AGAP4: variants seen among roughly 807,000 people sequenced by gnomAD.
The protein encoded by AGAP4 is arf-GAP with GTPase, ANK repeat and PH domain-containing protein 4.
Under a neutral mutation model 60.7 loss-of-function variants are expected in AGAP4, and 13 were observed. The ratio of observed to expected loss-of-function variants is 0.21; its 90% CI spans 0.14 to 0.34. AGAP4 has a LOEUF of 0.34. Among genes scored for constraint, AGAP4 ranks in the 10% least tolerant of loss-of-function variants. The probability of loss-of-function intolerance (pLI) is 1.00; values close to 1 mark genes in which losing one functional copy is unlikely to be tolerated. For synonymous variants in AGAP4, 70 were observed against 339.0 expected, an observed-to-expected ratio of 0.21 and a Z score of 8.72; for missense variants, 169 against 884.0, an observed-to-expected ratio of 0.19 and a Z score of 10.26.
At chr10:45,829,794 T>C (rs1336163710) in intron 6 of AGAP4, among the ~76,000 whole-genome samples, 2 of 150,802 alleles carry the variant, frequency 1.3e-5, no homozygotes, top group Non-Finnish European at 3.0e-5. Flanking sequence ...AGCTTTCCTG[T>C]GGACTTTGAA....
intron 2 of AGAP4, chr10:45,844,612 C>T (rs1326880802): frequency 6.3e-6 from 3 of 479,512 alleles, no homozygotes; most frequent in Non-Finnish European, 1.1e-5. Context: ...CACTTGAACC[C>T]AGGTCAGGAA....
chr10:45,848,991 C>T (rs2059044420), upstream of AGAP4: 1 of 149,840 alleles, frequency 6.7e-6, no homozygotes, highest in Non-Finnish European at 1.5e-5. Context: ...TTTGGGAGGC[C>T]AAGGCAGGTG....
upstream of AGAP4, among the ~76,000 whole-genome samples, chr10:45,850,480 C>T (rs1306146048): frequency 1.9e-3 from 290 of 151,912 alleles, 1 homozygote; most frequent in African/African-American, 6.7e-3. Flanking sequence ...TAATTTTATT[C>T]TGGGAATTTC....
chr10:45,825,635 A>G lies in AGAP4; in HGVS notation c.*280T>C, dbSNP rs1204613342. ...TATTTATGAACTTTATTTCAAATAT[A>G]TTTTCACACATTTTATCTAAATACA... On this transcript the variant is annotated 3_prime_UTR_variant, in exon 8 of 8. Coordinates refer to ENST00000616763, the MANE Select transcript of AGAP4 (RefSeq NM_001276343.3). 6.4e-6 allele frequency: 3 copies of G among 470,986 alleles called. No homozygotes were observed. Among genetic ancestry groups the G allele is most frequent in the East Asian group, 4.4e-5 (1 of 22,704 alleles). The allele number at this position is 470,986 out of a possible 1,614,324, so 29.2% of individuals were successfully genotyped here. A position where few individuals can be genotyped will look rare whatever the true frequency, so the allele number is the denominator to read the frequency against.
At chr10:45,832,165 C>T (rs2058742945) in intron 5 of AGAP4, among the ~76,000 whole-genome samples, 1 of 141,438 alleles carries the variant, frequency 7.1e-6, no homozygotes, top group African/African-American at 2.6e-5. Flanking sequence ...TTTTAAAAAG[C>T]CTGTAACATT....
chr10:45,848,691 A>G (rs1209821329), upstream of AGAP4, among the ~76,000 whole-genome samples: 8 of 152,130 alleles, frequency 5.3e-5, no homozygotes, highest in Admixed American at 4.6e-4. Context: ...ATCAGAAAGT[A>G]TAGCAGTCTG....
intron 4 of AGAP4, among the ~76,000 whole-genome samples, chr10:45,834,381 G>A (rs2058777708): frequency 1.4e-5 from 2 of 141,354 alleles, no homozygotes; most frequent in Non-Finnish European, 3.0e-5. Flanking sequence ...AAAATAATGG[G>A]AAAAGTCGGC....
intron 4 of AGAP4, among the ~76,000 whole-genome samples, chr10:45,834,395 G>A (rs1301305693): frequency 4.9e-5 from 7 of 142,262 alleles, no homozygotes; most frequent in Middle Eastern, 3.4e-3. Context: ...AGTCGGCTTC[G>A]CGGGGCACGG....
intron 6 of AGAP4, 108 bp downstream of exon 6, chr10:45,831,286 A>C (rs2058727902): frequency 2.2e-6 from 3 of 1,369,838 alleles, no homozygotes; most frequent in Non-Finnish European, 3.0e-6. Context: ...TCAATATTTT[A>C]GTAGGCACAA....
chr10:45,825,672 C>G lies in AGAP4; in HGVS notation c.*243G>C, dbSNP rs2058633202. On this transcript the variant is annotated 3_prime_UTR_variant, in exon 8 of 8. Transcript: ENST00000616763. The stretch of plus-strand genomic sequence containing the variant: ...TTTATCTAAATACATAATACAGAAG[C>G]CTGTGTGACTTGGGCAATGTGGCCA... The G allele has an allele frequency of 2.2e-5, 11 of 492,502 alleles. No individual in the cohort carries two copies. In the South Asian group the frequency reaches 3.0e-4, roughly 14 times the overall value. The allele number at this position is 492,502 out of a possible 1,614,324, so 30.5% of individuals were successfully genotyped here. A position where few individuals can be genotyped will look rare whatever the true frequency, so the allele number is the denominator to read the frequency against.
At chr10:45,834,809 T>G (rs1237301191) in intron 4 of AGAP4, among the ~76,000 whole-genome samples, 1 of 145,726 alleles carries the variant, frequency 6.9e-6, no homozygotes, top group African/African-American at 2.8e-5. Context: ...AGTCTCGCTC[T>G]GTCGCCCAGA....
At chr10:45,851,812 C>T (rs2059086873), upstream of AGAP4, among the ~76,000 whole-genome samples, 1 of 151,690 alleles carries the variant, frequency 6.6e-6, no homozygotes, top group African/African-American at 2.4e-5. Flanking sequence ...GCTTTGGACT[C>T]CTACAAAAGC....
upstream of AGAP4, among the ~76,000 whole-genome samples, chr10:45,849,744 G>A (rs1242059652): frequency 6.6e-6 from 1 of 150,662 alleles, no homozygotes; most frequent in African/African-American, 2.4e-5. Context: ...GGGCTCAAGC[G>A]ATTCTCCTGC....
In AGAP4 at chr10:45,847,454, C is replaced by T. The variant is rs1333152216; in HGVS notation, c.-107G>A. On this transcript the variant is annotated 5_prime_UTR_variant, in exon 1 of 8. Transcript: ENST00000616763. ...ATGCTGCACTTGCAGAGATGGTCTTCCCGCTCCTCGCCTGCCCACCTCACA... is the reference window on the plus strand; with the variant it reads ...ATGCTGCACTTGCAGAGATGGTCTTTCCGCTCCTCGCCTGCCCACCTCACA... 1.4e-4 allele frequency: 213 copies of T among 1,531,564 alleles called. 2 individuals carry two copies. The highest frequency in any genetic ancestry group is 1.7e-4 in the Non-Finnish European group (200 of 1,145,594). The allele number at this position is 1,531,564 out of a possible 1,614,324, so 94.9% of individuals were successfully genotyped here.
At chr10:45,849,957 A>G (rs1426161317), upstream of AGAP4, among the ~76,000 whole-genome samples, 1 of 148,918 alleles carries the variant, frequency 6.7e-6, no homozygotes, top group Non-Finnish European at 1.5e-5. Context: ...TTTGAGACAG[A>G]GTCTCACTCT....
In AGAP4 at chr10:45,839,590, A is replaced by C. The variant is rs1554898432; in HGVS notation, c.396+2063T>G. 3.1e-5 allele frequency among the ~76,000 whole-genome samples: 4 copies of C among 128,018 alleles called. 2 individuals carry two copies. Among genetic ancestry groups the C allele is most frequent in the Admixed American group, 3.1e-4 (4 of 13,044 alleles). The allele number at this position is 128,018 out of a possible 152,430, so 84.0% of individuals were successfully genotyped here. ...TACTTTCCAGGCAGAAAACTGGGAG[A>C]TCCTTCTCAGAAGAAACTGAAATGT... On this transcript the variant is annotated intron_variant, in intron 4 of 7. Transcript: ENST00000616763.
chr10:45,827,313 A>G lies in AGAP4; in HGVS notation c.663T>C (p.Thr221=). ...LNNYSSSIPS[T]PSTSQEDPQF... is the part of the protein sequence containing the mutation. ...GAGGGTCCTCCTGGCTGGTGCTGGG[A>G]GTCGATGGAATGGAGGAGGAATAGT... is the stretch of plus-strand genomic sequence containing the variant. Residue 221 remains threonine, a synonymous_variant, in exon 8 of 8, where the codon ACT becomes ACC. Coordinates refer to ENST00000616763, the MANE Select transcript of AGAP4 (RefSeq NM_001276343.3). 6.3e-7 allele frequency: 1 copy of G among 1,590,158 alleles called. No individual in the cohort carries two copies. Among genetic ancestry groups the G allele is most frequent in the Admixed American group, 1.7e-5 (1 of 58,430 alleles).
At chr10:45,839,330 G>GAA (rs532227613) in intron 4 of AGAP4, among the ~76,000 whole-genome samples, 2 of 105,022 alleles carry the variant, frequency 1.9e-5, no homozygotes, top group African/African-American at 3.1e-5. Flanking sequence ...GGTAAAATGT[G>GAA]AAAAAAAAAA....
chr10:45,842,410 T>G (rs1210435545), intron 3 of AGAP4, among the ~76,000 whole-genome samples: 1 of 150,058 alleles, frequency 6.7e-6, no homozygotes, highest in Non-Finnish European at 1.5e-5. Context: ...CCTAGCTAAT[T>G]GTTTTTTGTA....
Sources: allele counts gnomAD v4.1 joint callset (sites outside exome capture counted in the v4.1 genomes callset), GRCh38; gene constraint gnomAD v4.1.1; transcripts MANE v1.5; gene names NCBI Gene and HGNC (gene_info 2026-07-23, HGNC 2026-07-21).